TRAT1: variants seen among roughly 807,000 people sequenced by gnomAD.
The protein encoded by TRAT1 is T cell receptor associated transmembrane adaptor 1.
Under a neutral mutation model 20.0 loss-of-function variants are expected in TRAT1, and 20 were observed. That is an observed-to-expected ratio of 1.00 (90% CI 0.70 to 1.45). The LOEUF (loss-of-function observed/expected upper bound fraction) is 1.45, where lower values mean the gene tolerates loss of function less well. Ranked by LOEUF, TRAT1 falls within the 40% of genes most tolerant of loss-of-function variation. The probability of loss-of-function intolerance (pLI) is 0.00; values close to 1 mark genes in which losing one functional copy is unlikely to be tolerated. For missense variants in TRAT1, 237 were observed against 224.1 expected, an observed-to-expected ratio of 1.06 and a Z score of -0.37; for synonymous variants, 77 against 74.2, an observed-to-expected ratio of 1.04 and a Z score of -0.20.
intron 5 of TRAT1, among the ~76,000 whole-genome samples, chr3:108,850,641 G>A (rs1945990683): frequency 6.6e-6 from 1 of 152,102 alleles, no homozygotes; most frequent in African/African-American, 2.4e-5. Flanking sequence ...TGTAGTAGGA[G>A]TTGGGAAAAA....
At chr3:108,835,911 TTATTTATTTATTTA>T (rs1945835554) in intron 2 of TRAT1, among the ~76,000 whole-genome samples, 1 of 10,808 alleles carries the variant, frequency 9.3e-5, no homozygotes, top group Non-Finnish European at 4.9e-4. Context: ...ATTTATTTAT[TTATTTATTTATTTA>T]TTTATTTATT....
chr3:108,852,805 T>C (rs763521697), intron 5 of TRAT1, among the ~76,000 whole-genome samples: 18 of 152,222 alleles, frequency 1.2e-4, no homozygotes, highest in Non-Finnish European at 2.4e-4. Context: ...CAGAATATTT[T>C]TAAAAACCTG....
intron 4 of TRAT1, 41 bp downstream of exon 4, chr3:108,847,170 C>T (rs747646641): frequency 4.0e-6 from 5 of 1,237,256 alleles, no homozygotes; most frequent in East Asian, 2.4e-5. Context: ...AAGTAAATCC[C>T]AGTTGGTTTC....
In TRAT1 at chr3:108,837,398, C is replaced by T. The variant is rs2715768; in HGVS notation, c.119-1536C>T. On this transcript the variant is annotated intron_variant, in intron 2 of 5. Coordinates refer to ENST00000295756, the MANE Select transcript of TRAT1 (RefSeq NM_016388.4). Reference sequence around the variant, plus strand: ...CAAACACATTGACATGTGACATGTCCGTTTCATCCTCCAGTATGATTACTT... The same window carrying T: ...CAAACACATTGACATGTGACATGTCTGTTTCATCCTCCAGTATGATTACTT... 7.7e-3 allele frequency among the ~76,000 whole-genome samples: 1,167 copies of T among 152,280 alleles called. 21 individuals carry two copies. Among genetic ancestry groups the T allele is most frequent in the African/African-American group, 0.027 (1,110 of 41,560 alleles).
At chr3:108,832,110 A>G (rs1333612161) in intron 2 of TRAT1, among the ~76,000 whole-genome samples, 1 of 152,228 alleles carries the variant, frequency 6.6e-6, no homozygotes, top group Non-Finnish European at 1.5e-5. Context: ...GATTATTGTC[A>G]TGCAGGTTTG....
intron 5 of TRAT1, among the ~76,000 whole-genome samples, chr3:108,852,981 C>A (rs562537140): frequency 6.6e-6 from 1 of 152,174 alleles, no homozygotes; most frequent in Non-Finnish European, 1.5e-5. Context: ...CCACTGGGCC[C>A]TCTTGGATGT....
chr3:108,833,307 A>G (rs1945811242), intron 2 of TRAT1, among the ~76,000 whole-genome samples: 1 of 152,116 alleles, frequency 6.6e-6, no homozygotes, highest in African/African-American at 2.4e-5. Context: ...AATCCCAGCT[A>G]CTCGGGAGGC....
At chr3:108,837,443 T>C (rs2107510520) in intron 2 of TRAT1, among the ~76,000 whole-genome samples, 1 of 152,364 alleles carries the variant, frequency 6.6e-6, no homozygotes, top group East Asian at 1.9e-4. Context: ...GTTCCACTAA[T>C]GTGTCTTTAA....
chr3:108,853,603 A>G lies in TRAT1; in HGVS notation c.304-17A>G, dbSNP rs1261980654. ...AGAACAGACTAACAATGAAAAATTA[A>G]CATCCCTTTCTTTTAGGCAACCAAT... On this transcript the variant is annotated splice_polypyrimidine_tract_variant and intron_variant, in intron 5 of 5. Coordinates refer to ENST00000295756, the MANE Select transcript of TRAT1 (RefSeq NM_016388.4). 1.9e-6 allele frequency: 3 copies of G among 1,607,108 alleles called. No individual in the cohort carries two copies. The highest frequency in any genetic ancestry group is 1.7e-6 in the Non-Finnish European group (2 of 1,176,064).
At chr3:108,822,980 T>A (rs753337721) in intron 1 of TRAT1, 46 bp downstream of exon 1, 10 of 1,566,492 alleles carry the variant, frequency 6.4e-6, no homozygotes, top group Admixed American at 5.1e-5. Context: ...TGTCTAAAAA[T>A]TCACTTAATT....
intron 2 of TRAT1, among the ~76,000 whole-genome samples, chr3:108,831,415 G>C (rs745973385): frequency 6.6e-6 from 1 of 152,172 alleles, no homozygotes. Flanking sequence ...AGCTGGCACA[G>C]CCTTTGTATG....
chr3:108,833,676 G>C (rs1945814487), intron 2 of TRAT1, among the ~76,000 whole-genome samples: 1 of 151,988 alleles, frequency 6.6e-6, no homozygotes, highest in Non-Finnish European at 1.5e-5. Flanking sequence ...ATGTAAATTA[G>C]AACTCTGCCT....
chr3:108,851,022 A>G (rs1945993456), intron 5 of TRAT1, among the ~76,000 whole-genome samples: 1 of 152,176 alleles, frequency 6.6e-6, no homozygotes, highest in Non-Finnish European at 1.5e-5. Context: ...CTTTTCTATT[A>G]TACTATTCTC....
intron 2 of TRAT1, among the ~76,000 whole-genome samples, chr3:108,834,680 T>C (rs1945823489): frequency 6.6e-6 from 1 of 152,234 alleles, no homozygotes; most frequent in Admixed American, 6.5e-5. Flanking sequence ...TTGTTACTCT[T>C]TGTGGCTGAG....
At chr3:108,837,027 A>AT in intron 2 of TRAT1, among the ~76,000 whole-genome samples, 1 of 152,292 alleles carries the variant, frequency 6.6e-6, no homozygotes, top group East Asian at 1.9e-4. Context: ...TCAGTTTACA[A>AT]TTTCCTGGTC....
chr3:108,853,063 A>G (rs1443535642), intron 5 of TRAT1, among the ~76,000 whole-genome samples: 2 of 152,242 alleles, frequency 1.3e-5, no homozygotes, highest in Non-Finnish European at 2.9e-5. Context: ...AGAAAATAAT[A>G]GGGAAAGATA....
At chr3:108,844,760 C>T (rs1178185180) in intron 3 of TRAT1, among the ~76,000 whole-genome samples, 4 of 139,792 alleles carry the variant, frequency 2.9e-5, no homozygotes, top group African/African-American at 8.2e-5. Context: ...AGCAGAATGA[C>T]GTGAATCCGG....
intron 2 of TRAT1, among the ~76,000 whole-genome samples, chr3:108,834,795 T>A (rs1945824417): frequency 6.6e-6 from 1 of 152,230 alleles, no homozygotes; most frequent in Admixed American, 6.5e-5. Context: ...CAATACAATA[T>A]CTGCACATTC....
rs1946027144 is a variant in TRAT1, at chr3:108,854,454, A to G, written c.*577A>G. The G allele has an allele frequency of 6.6e-6, 1 of 152,318 alleles. No individual in the cohort carries two copies. The highest frequency in any genetic ancestry group is 2.1e-4 in the South Asian group (1 of 4,840). The allele number at this position is 152,318 out of a possible 1,614,324, so 9.4% of individuals were successfully genotyped here. A position where few individuals can be genotyped will look rare whatever the true frequency, so the allele number is the denominator to read the frequency against. On this transcript the variant is annotated 3_prime_UTR_variant, in exon 6 of 6. Transcript: ENST00000295756. Reference sequence around the variant, plus strand: ...TACTATTTCAAAAATTGTCAAATTAATGCATGCTCCTTACAACAAACAAAT... The same window carrying G: ...TACTATTTCAAAAATTGTCAAATTAGTGCATGCTCCTTACAACAAACAAAT...
Sources: gnomAD v4.1 joint callset for allele counts (sites outside exome capture counted in the v4.1 genomes callset) on GRCh38, gnomAD v4.1.1 for gene constraint, MANE v1.5 for transcripts, NCBI Gene and HGNC (gene_info 2026-07-23, HGNC 2026-07-21) for gene names.